PTPRN2: variants seen among roughly 807,000 people sequenced by gnomAD.
PTPRN2 encodes receptor-type tyrosine-protein phosphatase N2.
Under a neutral mutation model 118.8 loss-of-function variants are expected in PTPRN2, and 74 were observed. The observed-to-expected ratio is 0.62, with a 90% CI of 0.52 to 0.76. The LOEUF (loss-of-function observed/expected upper bound fraction) is 0.76, where lower values mean the gene tolerates loss of function less well. Among genes scored for constraint, PTPRN2 ranks in the 30% least tolerant of loss-of-function variants. The probability of loss-of-function intolerance (pLI) is 0.00; values close to 1 mark genes in which losing one functional copy is unlikely to be tolerated. For missense variants in PTPRN2, 1,481 were observed against 1,394.4 expected (o/e 1.06, Z -0.99); for synonymous variants, 641 against 608.0 (o/e 1.05, Z -0.80).
chr7:158,139,860 T>A (rs2150464060), intron 6 of PTPRN2, among the ~76,000 whole-genome samples: 1 of 152,196 alleles, frequency 6.6e-6, no homozygotes, highest in African/African-American at 2.4e-5. Context: ...GAAAGAAAAA[T>A]CATTCAATCC....
chr7:158,181,929 T>A (rs1402937691), intron 5 of PTPRN2, among the ~76,000 whole-genome samples: 2 of 89,420 alleles, frequency 2.2e-5, no homozygotes, highest in African/African-American at 3.0e-5. Context: ...TCTGTTCTGA[T>A]CTTTGTTATT....
At chr7:157,926,540 A>G (rs1160929221) in intron 11 of PTPRN2, among the ~76,000 whole-genome samples, 1 of 152,228 alleles carries the variant, frequency 6.6e-6, no homozygotes, top group African/African-American at 2.4e-5. Context: ...ATTTATTTTA[A>G]TATTACCTAA....
At chr7:157,575,345 G>C (rs2150522320) in intron 19 of PTPRN2, among the ~76,000 whole-genome samples, 1 of 152,312 alleles carries the variant, frequency 6.6e-6, no homozygotes, top group South Asian at 2.1e-4. Flanking sequence ...AAATTAGCGT[G>C]GGTGAGGAAG....
intron 3 of PTPRN2, among the ~76,000 whole-genome samples, chr7:158,247,485 C>A (rs1796334723): frequency 6.6e-6 from 1 of 152,214 alleles, no homozygotes; most frequent in Admixed American, 6.5e-5. Flanking sequence ...CCACCACGCC[C>A]ATGTCCACGG....
chr7:158,456,553 C>T (rs1041445513), intron 2 of PTPRN2, among the ~76,000 whole-genome samples: 2 of 149,994 alleles, frequency 1.3e-5, no homozygotes, highest in Admixed American at 6.6e-5. Context: ...GAGAACATAA[C>T]GGCACGGATG....
At chr7:157,672,601 G>A (rs1430455638) in intron 13 of PTPRN2, among the ~76,000 whole-genome samples, 3 of 152,088 alleles carry the variant, frequency 2.0e-5, no homozygotes, top group Non-Finnish European at 2.9e-5. Context: ...CTGCATCATC[G>A]TCTTCACCAA....
intron 2 of PTPRN2, among the ~76,000 whole-genome samples, chr7:158,373,436 T>C (rs919976752): frequency 6.6e-6 from 1 of 152,244 alleles, no homozygotes; most frequent in African/African-American, 2.4e-5. Context: ...AGTACAGTTC[T>C]GTTGATTGAA....
intron 12 of PTPRN2, among the ~76,000 whole-genome samples, chr7:157,742,207 G>A (rs1438119998): frequency 6.6e-6 from 1 of 152,208 alleles, no homozygotes; most frequent in Non-Finnish European, 1.5e-5. Flanking sequence ...GAGGGCTTTT[G>A]CATATGTAGA....
chr7:158,304,168 T>C (rs1374450890), intron 3 of PTPRN2, among the ~76,000 whole-genome samples: 1 of 151,288 alleles, frequency 6.6e-6, no homozygotes, highest in African/African-American at 2.4e-5. Flanking sequence ...GTACACAGGC[T>C]TGGATTTCTA....
intron 12 of PTPRN2, among the ~76,000 whole-genome samples, chr7:157,879,553 C>T (rs1418690488): frequency 6.6e-6 from 1 of 152,210 alleles, no homozygotes; most frequent in African/African-American, 2.4e-5. Flanking sequence ...AATTTTAACC[C>T]TGCAGTAGCT....
chr7:157,907,103 A>T (rs1370133644), intron 11 of PTPRN2, among the ~76,000 whole-genome samples: 1 of 152,184 alleles, frequency 6.6e-6, no homozygotes, highest in Admixed American at 6.5e-5. Context: ...CACACTTTGG[A>T]CAGCCAAGGG....
At chr7:158,244,773 GGT>G (rs1170046028) in intron 3 of PTPRN2, among the ~76,000 whole-genome samples, 21 of 151,366 alleles carry the variant, frequency 1.4e-4, no homozygotes, top group Admixed American at 1.3e-3. Context: ...AGTATGTGTG[GGT>G]GTGTGTGAGT....
chr7:157,801,496 A>G lies in PTPRN2; in HGVS notation c.1788+97177T>C, dbSNP rs1194585464. Among the ~76,000 whole-genome samples the G allele has an allele frequency of 6.6e-6, 1 of 152,166 alleles. No individual in the cohort carries two copies. The highest frequency in any genetic ancestry group is 1.9e-4 in the East Asian group (1 of 5,198). Reference sequence around the variant, plus strand: ...GGATTTTTTTAATGTCAAATTCCATATGAAACAGCACAAATCCCCATTTCT... The same window carrying G: ...GGATTTTTTTAATGTCAAATTCCATGTGAAACAGCACAAATCCCCATTTCT... On this transcript the variant is annotated intron_variant, in intron 12 of 22. Transcript: ENST00000389418. The surrounding 1 kb of genome is among the most constrained non-coding windows in gnomAD (Gnocchi z 4.2).
chr7:158,528,019 C>A (rs889626511), intron 1 of PTPRN2, among the ~76,000 whole-genome samples: 1 of 152,160 alleles, frequency 6.6e-6, no homozygotes, highest in African/African-American at 2.4e-5. Flanking sequence ...GACACTCAGT[C>A]TAAACGACAG....
chr7:157,541,456 G>A (rs1798011306), intron 22 of PTPRN2, among the ~76,000 whole-genome samples: 1 of 152,260 alleles, frequency 6.6e-6, no homozygotes, highest in Non-Finnish European at 1.5e-5. Flanking sequence ...GTGGGCACGA[G>A]GGACGGGTTC....
intron 11 of PTPRN2, among the ~76,000 whole-genome samples, chr7:158,067,526 G>A (rs543356596): frequency 1.3e-5 from 2 of 152,146 alleles, no homozygotes; most frequent in Admixed American, 6.5e-5. Context: ...CGTTTTTAAC[G>A]ACCTCCAGCT....
chr7:157,848,388 A>G (rs1219001459), intron 12 of PTPRN2, among the ~76,000 whole-genome samples: 1 of 147,762 alleles, frequency 6.8e-6, no homozygotes, highest in Non-Finnish European at 1.5e-5. Context: ...TCATTACATC[A>G]TATGTGCCCA....
At chr7:157,686,288 G>A (rs966338777) in intron 12 of PTPRN2, among the ~76,000 whole-genome samples, 3 of 152,248 alleles carry the variant, frequency 2.0e-5, no homozygotes, top group Non-Finnish European at 2.9e-5. Flanking sequence ...TGAGCAGGAG[G>A]GTGATGCGGA....
At chr7:157,899,611 C>T (rs1259373649) in intron 11 of PTPRN2, among the ~76,000 whole-genome samples, 1 of 152,158 alleles carries the variant, frequency 6.6e-6, no homozygotes, top group Admixed American at 6.5e-5. Context: ...AGGAAAATAT[C>T]AATTACTCTC....
Sources: gnomAD v4.1 joint callset for allele counts (sites outside exome capture counted in the v4.1 genomes callset) on GRCh38, gnomAD v4.1.1 for gene constraint, Gnocchi (gnomAD v3.1) non-coding constraint, MANE v1.5 for transcripts, NCBI Gene and HGNC (gene_info 2026-07-23, HGNC 2026-07-21) for gene names.